SEMA5A: variants seen among roughly 807,000 people sequenced by gnomAD.
SEMA5A encodes semaphorin 5A, also known as semaphorin-5A.
Under a neutral mutation model 135.5 loss-of-function variants are expected in SEMA5A, and 55 were observed. The observed-to-expected ratio is 0.41, with a 90% confidence interval of 0.33 to 0.51. The LOEUF (loss-of-function observed/expected upper bound fraction) is 0.51, where lower values mean the gene tolerates loss of function less well. Among genes scored for constraint, SEMA5A ranks in the 20% least tolerant of loss-of-function variants. SEMA5A has a pLI of 0.37. For synonymous variants in SEMA5A, 580 were observed against 546.5 expected, an observed-to-expected ratio of 1.06 and a Z score of -0.85; for missense variants, 1,290 against 1,419.9, an observed-to-expected ratio of 0.91 and a Z score of 1.47.
intron 16 of SEMA5A, among the ~76,000 whole-genome samples, chr5:9,080,047 G>T (rs1738289052): frequency 6.6e-6 from 1 of 152,096 alleles, no homozygotes; most frequent in South Asian, 2.1e-4. Flanking sequence ...CCATTACTGG[G>T]TATATATCCA....
intron 5 of SEMA5A, among the ~76,000 whole-genome samples, chr5:9,271,263 G>C (rs930365617): frequency 1.3e-5 from 2 of 152,106 alleles, no homozygotes; most frequent in African/African-American, 4.8e-5. Flanking sequence ...GTTTCCTGAG[G>C]CCTCCAGGCC....
At chr5:9,529,456 G>A (rs562638508) in intron 1 of SEMA5A, among the ~76,000 whole-genome samples, 1 of 152,346 alleles carries the variant, frequency 6.6e-6, no homozygotes, top group South Asian at 2.1e-4. Flanking sequence ...AGTAGCTTCC[G>A]GGTATGGGAC....
intron 8 of SEMA5A, 130 bp downstream of exon 8, chr5:9,224,544 C>T (rs759364687): frequency 6.5e-5 from 52 of 800,600 alleles, no homozygotes; most frequent in South Asian, 1.4e-4. Flanking sequence ...CCTGAACAAG[C>T]GACACTTTGA....
chr5:9,195,334 T>A (rs537961200), intron 10 of SEMA5A, among the ~76,000 whole-genome samples: 1 of 152,078 alleles, frequency 6.6e-6, no homozygotes, highest in African/African-American at 2.4e-5. Flanking sequence ...CCTGGCTAAT[T>A]TTTTTTATTA....
chr5:9,327,923 C>T (rs912963494), intron 4 of SEMA5A, among the ~76,000 whole-genome samples: 2 of 152,054 alleles, frequency 1.3e-5, no homozygotes, highest in African/African-American at 4.8e-5. Flanking sequence ...AAAAAAAATG[C>T]CAACTGAATA....
chr5:9,543,456 C>A lies in SEMA5A; in HGVS notation c.-175+2128G>T, dbSNP rs1738201320. Among the ~76,000 whole-genome samples, 4 of 152,148 alleles carry A rather than the reference C, an allele frequency of 2.6e-5. No homozygotes were observed. In the South Asian group the frequency reaches 8.3e-4, roughly 32 times the overall value. Reference sequence around the variant, plus strand: ...AGGTTTATTTTTACCAAATTCTGAACGTCTCAAAAATTTCCTCTGGACAGA... The same window carrying A: ...AGGTTTATTTTTACCAAATTCTGAAAGTCTCAAAAATTTCCTCTGGACAGA... On this transcript the variant is annotated intron_variant, in intron 1 of 22. Coordinates refer to ENST00000382496, the MANE Select transcript of SEMA5A (RefSeq NM_003966.3).
chr5:9,207,845 AGAT>A (rs1175638822), intron 8 of SEMA5A, among the ~76,000 whole-genome samples: 13 of 151,626 alleles, frequency 8.6e-5, no homozygotes, highest in Non-Finnish European at 1.3e-4. Flanking sequence ...ACTAAAAGAC[AGAT>A]GATGATAGAT....
At chr5:9,284,946 C>T (rs2150572254) in intron 5 of SEMA5A, among the ~76,000 whole-genome samples, 1 of 152,300 alleles carries the variant, frequency 6.6e-6, no homozygotes, top group East Asian at 1.9e-4. Flanking sequence ...AGGGGGCACC[C>T]CCTTAGCCAG....
chr5:9,404,328 T>C (rs560532275), intron 2 of SEMA5A, among the ~76,000 whole-genome samples: 2 of 152,174 alleles, frequency 1.3e-5, no homozygotes, highest in Non-Finnish European at 2.9e-5. Context: ...ACCATGGTGA[T>C]ACGCGTTTTC....
chr5:9,085,446 C>T lies in SEMA5A; in HGVS notation c.2074-18800G>A, dbSNP rs1738627953. On this transcript the variant is annotated intron_variant, in intron 16 of 22. Coordinates refer to ENST00000382496, the MANE Select transcript of SEMA5A (RefSeq NM_003966.3). ...AAGGACTCGGTGTCCTGCATCCCAG[C>T]CACTCTAGCCATGGCTGAAAGGGGC... 2.6e-5 allele frequency among the ~76,000 whole-genome samples: 4 copies of T among 152,146 alleles called. No individual in the cohort carries two copies. In the South Asian group the frequency reaches 6.2e-4, roughly 24 times the overall value.
At chr5:9,417,129 G>T (rs150894138) in intron 2 of SEMA5A, among the ~76,000 whole-genome samples, 191 of 152,310 alleles carry the variant, frequency 1.3e-3, no homozygotes, top group Middle Eastern at 3.4e-3. Context: ...AATAAGAGAG[G>T]CCATTTATAG....
chr5:9,509,412 T>C (rs1736084076), intron 1 of SEMA5A, among the ~76,000 whole-genome samples: 1 of 151,972 alleles, frequency 6.6e-6, no homozygotes, highest in South Asian at 2.1e-4. Context: ...GTAGCTGGGA[T>C]TACAGGCGCA....
chr5:9,125,738 G>C (rs371516312), intron 13 of SEMA5A, among the ~76,000 whole-genome samples: 44 of 152,208 alleles, frequency 2.9e-4, no homozygotes, highest in Admixed American at 8.5e-4. Flanking sequence ...GTTCTCTGAA[G>C]ACCGTAGAGC....
chr5:9,394,942 C>A (rs1756324455), intron 2 of SEMA5A, among the ~76,000 whole-genome samples: 1 of 151,996 alleles, frequency 6.6e-6, no homozygotes, highest in Non-Finnish European at 1.5e-5. Flanking sequence ...AGAAGAAAAA[C>A]TCCAATGTTT....
intron 16 of SEMA5A, among the ~76,000 whole-genome samples, chr5:9,094,312 T>G (rs912789338): frequency 4.9e-5 from 5 of 102,314 alleles, no homozygotes; most frequent in African/African-American, 3.3e-4. Context: ...TGCAAAATTA[T>G]TTCAAATGAA....
chr5:9,251,250 C>T (rs111599895), intron 5 of SEMA5A, among the ~76,000 whole-genome samples: 30 of 152,210 alleles, frequency 2.0e-4, no homozygotes, highest in African/African-American at 7.2e-4. Context: ...AGTCAAATAA[C>T]CTAATATTTT....
chr5:9,317,937 A>G (rs1209743768), intron 5 of SEMA5A, among the ~76,000 whole-genome samples: 1 of 152,208 alleles, frequency 6.6e-6, no homozygotes, highest in Non-Finnish European at 1.5e-5. Flanking sequence ...TTTGTTATAG[A>G]TAGCTTTTAA....
intron 2 of SEMA5A, among the ~76,000 whole-genome samples, chr5:9,408,437 G>T (rs1164455895): frequency 6.6e-6 from 1 of 152,012 alleles, no homozygotes; most frequent in Admixed American, 6.6e-5. Flanking sequence ...AAATTCTTAG[G>T]TTACCAACTT....
chr5:9,532,035 T>C (rs1198659114), intron 1 of SEMA5A, among the ~76,000 whole-genome samples: 1 of 152,196 alleles, frequency 6.6e-6, no homozygotes, highest in East Asian at 1.9e-4. Flanking sequence ...TAGAAATCTA[T>C]GGAATGTTTT....
Sources: gnomAD v4.1 joint callset for allele counts (sites outside exome capture counted in the v4.1 genomes callset) on GRCh38, gnomAD v4.1.1 for gene constraint, MANE v1.5 for transcripts, NCBI Gene and HGNC (gene_info 2026-07-23, HGNC 2026-07-21) for gene names.